MIA2: variants seen among roughly 807,000 people sequenced by gnomAD.
MIA2 encodes MIA SH3 domain ER export factor 2, also known as melanoma inhibitory activity protein 2.
MIA2 carries 127 observed loss-of-function variants against 167.8 expected under a neutral mutation model. That is an observed-to-expected ratio of 0.76 (90% CI 0.66 to 0.88). The LOEUF (loss-of-function observed/expected upper bound fraction) is 0.88, where lower values mean the gene tolerates loss of function less well. Ranked by LOEUF, MIA2 falls within the 40% of genes least tolerant of loss-of-function variation. The pLI is 0.00. For synonymous variants in MIA2, 552 were observed against 541.9 expected (o/e 1.02, Z -0.26); for missense variants, 1,690 against 1,624.7 (o/e 1.04, Z -0.69).
At chr14:39,326,770 AATTTATG>A (rs2067638712) in intron 24 of MIA2, 87 bp from the exon 25 acceptor site, 1 of 1,141,106 alleles carries the variant, frequency 8.8e-7, no homozygotes, top group African/African-American at 1.6e-5. Context: ...TTGTATTTAT[AATTTATG>A]ATTTAACCAC....
At chr14:39,367,029 G>A (rs1295861237) in intron 23 of MIA2, among the ~76,000 whole-genome samples, 1 of 152,208 alleles carries the variant, frequency 6.6e-6, no homozygotes. Flanking sequence ...GTGGCACACT[G>A]GAAAGCCACG....
intron 25 of MIA2, among the ~76,000 whole-genome samples, chr14:39,335,771 T>C (rs2070244084): frequency 6.6e-6 from 1 of 152,174 alleles, no homozygotes; most frequent in South Asian, 2.1e-4. Flanking sequence ...CTCCTCGCTC[T>C]ACTCTGGTAG....
intron 6 of MIA2, among the ~76,000 whole-genome samples, chr14:39,254,414 G>A (rs1428048874): frequency 1.3e-5 from 2 of 152,168 alleles, no homozygotes; most frequent in Non-Finnish European, 2.9e-5. Context: ...AAATGAAAAA[G>A]TTTGATTTAT....
intron 23 of MIA2, among the ~76,000 whole-genome samples, chr14:39,372,222 C>A (rs2074962398): frequency 6.6e-6 from 1 of 152,120 alleles, no homozygotes; most frequent in East Asian, 1.9e-4. Flanking sequence ...AAGCTTATTC[C>A]TCTTTTCCTA....
rs562564405 is a variant in MIA2 at position 39,288,313 on chromosome 14, G to T, written c.2131-2706G>T. ...CTATCTCTCAAAAGAAAAAAAAAAT[G>T]GATGTTCAACTTTGTTGAATGTTTT... On this transcript the variant is annotated intron_variant, in intron 9 of 28. Transcript: ENST00000640607. Among the ~76,000 whole-genome samples the T allele has an allele frequency of 1.3e-4, 20 of 150,820 alleles. No homozygotes were observed. In the South Asian group the frequency reaches 4.2e-3, roughly 32 times the overall value.
chr14:39,335,526 T>C (rs560508398), intron 25 of MIA2, among the ~76,000 whole-genome samples: 1 of 152,338 alleles, frequency 6.6e-6, no homozygotes, highest in South Asian at 2.1e-4. Context: ...TTACTTAGCT[T>C]ATATAGTCAG....
At chr14:39,296,174 T>C (rs10148762) in intron 13 of MIA2, among the ~76,000 whole-genome samples, 131,461 of 152,144 alleles carry the variant, frequency 0.86, 57,382 homozygotes, top group East Asian at 0.96. Flanking sequence ...TCTTTTATTT[T>C]CCATATCTGA....
At chr14:39,375,979 G>T (rs2075036908) in intron 23 of MIA2, among the ~76,000 whole-genome samples, 1 of 151,902 alleles carries the variant, frequency 6.6e-6, no homozygotes, top group Non-Finnish European at 1.5e-5. Context: ...TTTTAGACAG[G>T]GCCTGGCTCT....
chr14:39,378,675 T>C (rs990599352), intron 23 of MIA2, among the ~76,000 whole-genome samples: 28 of 152,190 alleles, frequency 1.8e-4, no homozygotes, highest in African/African-American at 6.8e-4. Context: ...TCTTATGATT[T>C]TGGCACATAT....
At chr14:39,236,397 G>A (rs775336122) in intron 1 of MIA2, among the ~76,000 whole-genome samples, 2 of 152,068 alleles carry the variant, frequency 1.3e-5, no homozygotes, top group Non-Finnish European at 2.9e-5. Context: ...AGAACCTCAG[G>A]GCAAATTGGG....
chr14:39,360,462 T>G (rs10145757), intron 23 of MIA2, among the ~76,000 whole-genome samples: 11,271 of 151,296 alleles, frequency 0.074, 515 homozygotes, highest in South Asian at 0.18. Context: ...ATGTTTTTTT[T>G]TTTGTTTGTT....
intron 9 of MIA2, among the ~76,000 whole-genome samples, chr14:39,281,865 C>T (rs757122614): frequency 6.6e-6 from 1 of 152,144 alleles, no homozygotes. Flanking sequence ...AGGCAATCCA[C>T]CTGCCTTGGC....
chr14:39,302,838 CTAAAACTAGT>C (rs1275455225), intron 15 of MIA2, among the ~76,000 whole-genome samples: 191 of 152,228 alleles, frequency 1.3e-3, no homozygotes, highest in Non-Finnish European at 2.3e-3. Flanking sequence ...ATAGGAAGTT[CTAAAACTAGT>C]ACAGAGGTCC....
intron 6 of MIA2, among the ~76,000 whole-genome samples, chr14:39,264,049 C>T (rs994068112): frequency 3.9e-5 from 6 of 152,248 alleles, no homozygotes; most frequent in African/African-American, 1.4e-4. Context: ...ATTCTGTCAT[C>T]CAGATAGTGA....
At chr14:39,293,978 T>A in intron 11 of MIA2, 22 bp from the exon 12 acceptor site, 1 of 1,586,554 alleles carries the variant, frequency 6.3e-7, no homozygotes, top group Non-Finnish European at 8.6e-7. Context: ...TAAATATTAA[T>A]TGCCTGATAC....
At chr14:39,343,448 G>C (rs2072488153) in intron 25 of MIA2, among the ~76,000 whole-genome samples, 2 of 152,068 alleles carry the variant, frequency 1.3e-5, no homozygotes, top group Non-Finnish European at 2.9e-5. Flanking sequence ...TGCCCGGCCT[G>C]TTTTTGGTTT....
chr14:39,281,095 T>A lies in MIA2; in HGVS notation c.2130+1558T>A, dbSNP rs2058861110. On this transcript the variant is annotated intron_variant, in intron 9 of 28. Transcript: ENST00000640607. ...GCGCCACCATGTCCAGCTAATTTTT[T>A]AAAATTTCTTGTAGAGATGGGGTTT... Among the ~76,000 whole-genome samples, 3 of 151,970 alleles carry A rather than the reference T, an allele frequency of 2.0e-5. No individual in the cohort carries two copies. The South Asian group carries it at 6.2e-4, about 32-fold the overall frequency.
chr14:39,370,514 C>A, intron 23 of MIA2: 1 of 292,578 alleles, frequency 3.4e-6, no homozygotes. Flanking sequence ...ACTTTGTAGG[C>A]CAGATTGTCA....
chr14:39,290,584 T>G (rs1221462840), intron 9 of MIA2, among the ~76,000 whole-genome samples: 1 of 152,254 alleles, frequency 6.6e-6, no homozygotes, highest in Non-Finnish European at 1.5e-5. Flanking sequence ...TCAGTTGCTA[T>G]ATATTTCTCT....
Sources: allele counts gnomAD v4.1 joint callset (sites outside exome capture counted in the v4.1 genomes callset), GRCh38; gene constraint gnomAD v4.1.1; transcripts MANE v1.5; gene names NCBI Gene and HGNC (gene_info 2026-07-23, HGNC 2026-07-21).